SRRM4: variants seen among roughly 807,000 people sequenced by gnomAD.
SRRM4 encodes serine/arginine repetitive matrix 4.
In SRRM4, 33 loss-of-function variants were observed where a neutral mutation model predicts 68.9. The observed-to-expected ratio is 0.48, with a 90% CI of 0.36 to 0.64. SRRM4 has a LOEUF of 0.64. Among genes scored for constraint, SRRM4 ranks in the 30% least tolerant of loss-of-function variants. The pLI, the probability that SRRM4 is intolerant of heterozygous loss-of-function variation, is 0.00. For missense variants in SRRM4, 817 were observed against 827.1 expected (o/e 0.99, Z 0.15); for synonymous variants, 318 against 318.8 (o/e 1.00, Z 0.03).
intron 1 of SRRM4, among the ~76,000 whole-genome samples, chr12:119,015,347 C>T (rs747963294): frequency 9.9e-5 from 15 of 152,180 alleles, no homozygotes; most frequent in South Asian, 4.1e-4. Context: ...TCATAAACCC[C>T]ACTGCTATTG....
chr12:119,073,717 C>T (rs970466982), intron 1 of SRRM4, among the ~76,000 whole-genome samples: 4 of 152,138 alleles, frequency 2.6e-5, no homozygotes, highest in Admixed American at 1.3e-4. Flanking sequence ...AACTCCTGGA[C>T]TCAAGCAACC....
intron 1 of SRRM4, among the ~76,000 whole-genome samples, chr12:119,100,701 G>C (rs1334999787): frequency 6.6e-6 from 1 of 152,160 alleles, no homozygotes; most frequent in East Asian, 1.9e-4. Flanking sequence ...GACAAGTATG[G>C]GAAGAGGCAA....
At chr12:119,142,835 C>G (rs1954374435) in intron 8 of SRRM4, among the ~76,000 whole-genome samples, 1 of 152,158 alleles carries the variant, frequency 6.6e-6, no homozygotes, top group South Asian at 2.1e-4. Flanking sequence ...ACATTCCTGA[C>G]AGAGGTGGTG....
At chr12:119,067,780 T>C (rs2136024712) in intron 1 of SRRM4, among the ~76,000 whole-genome samples, 1 of 152,132 alleles carries the variant, frequency 6.6e-6, no homozygotes, top group South Asian at 2.1e-4. Context: ...TCCCAGCTCC[T>C]CCACCTACAC....
At chr12:119,149,516 T>C (rs1954425612) in intron 9 of SRRM4, among the ~76,000 whole-genome samples, 1 of 152,114 alleles carries the variant, frequency 6.6e-6, no homozygotes, top group South Asian at 2.1e-4. Flanking sequence ...CATATAGGGA[T>C]AGGCAAAACA....
At chr12:119,012,531 G>C (rs1380161047) in intron 1 of SRRM4, among the ~76,000 whole-genome samples, 1 of 152,118 alleles carries the variant, frequency 6.6e-6, no homozygotes, top group Non-Finnish European at 1.5e-5. Context: ...TAAGAACACA[G>C]TTTTCTCTTG....
chr12:119,058,420 A>C (rs1028013418), intron 1 of SRRM4, among the ~76,000 whole-genome samples: 13 of 152,164 alleles, frequency 8.5e-5, no homozygotes, highest in African/African-American at 3.1e-4. Flanking sequence ...GACTGATGGG[A>C]GTTGTCCCCA....
intron 4 of SRRM4, among the ~76,000 whole-genome samples, chr12:119,117,955 G>T (rs1224481363): frequency 6.6e-6 from 1 of 152,104 alleles, no homozygotes; most frequent in Non-Finnish European, 1.5e-5. Flanking sequence ...TACAACAGAG[G>T]GCTCAGGTTT....
chr12:119,025,984 C>T (rs372964842), intron 1 of SRRM4, among the ~76,000 whole-genome samples: 3 of 152,018 alleles, frequency 2.0e-5, no homozygotes, highest in African/African-American at 7.3e-5. Flanking sequence ...CTTAGAGTCA[C>T]GGCCACCGAG....
At chr12:119,139,150 T>C (rs1954348761) in intron 8 of SRRM4, among the ~76,000 whole-genome samples, 1 of 152,190 alleles carries the variant, frequency 6.6e-6, no homozygotes, top group East Asian at 1.9e-4. Context: ...AGGAGAACCA[T>C]CCTGTTGTAT....
At chr12:119,151,698 G>A (rs1442404272) in intron 10 of SRRM4, among the ~76,000 whole-genome samples, 7 of 152,072 alleles carry the variant, frequency 4.6e-5, no homozygotes, top group Admixed American at 4.6e-4. Flanking sequence ...ATTGACTGGT[G>A]GGTTGGCTGG....
At chr12:119,138,312 T>C (rs1592913525) in intron 8 of SRRM4, among the ~76,000 whole-genome samples, 2 of 152,224 alleles carry the variant, frequency 1.3e-5, no homozygotes, top group Admixed American at 1.3e-4. Context: ...AAAGCATAAC[T>C]CGGCTCACCG....
At chr12:119,005,906 G>C (rs1953413073) in intron 1 of SRRM4, among the ~76,000 whole-genome samples, 1 of 152,138 alleles carries the variant, frequency 6.6e-6, no homozygotes, top group African/African-American at 2.4e-5. Context: ...CAACAAACAA[G>C]CCGTGTGACC....
At chr12:118,998,901 G>C (rs992745350) in intron 1 of SRRM4, among the ~76,000 whole-genome samples, 5 of 152,210 alleles carry the variant, frequency 3.3e-5, no homozygotes, top group African/African-American at 1.2e-4. Context: ...ATGTAGAACT[G>C]TGAACAGGCA....
At chr12:119,104,326 T>A (rs1446494610) in intron 2 of SRRM4, among the ~76,000 whole-genome samples, 1 of 152,094 alleles carries the variant, frequency 6.6e-6, no homozygotes, top group South Asian at 2.1e-4. Flanking sequence ...AGCATCTCTA[T>A]TGTAGAGCTG....
At chr12:119,151,640 C>T (rs914816655) in intron 10 of SRRM4, among the ~76,000 whole-genome samples, 18 of 152,168 alleles carry the variant, frequency 1.2e-4, no homozygotes, top group Admixed American at 1.0e-3. Context: ...GGGCTGGGCT[C>T]AGCTGGGTGG....
In SRRM4 at chr12:119,040,656, G is replaced by A. The variant is rs973288108; in HGVS notation, c.131+58643G>A. ...GTGAATTGTGCTGCTATAAACATGC[G>A]TGTGCAAGTATCTTTTTGGAATAAT... On this transcript the variant is annotated intron_variant, in intron 1 of 12. Transcript: ENST00000267260. Among the ~76,000 whole-genome samples the A allele has an allele frequency of 8.5e-5, 13 of 152,216 alleles. No individual in the cohort carries two copies. The South Asian group carries it at 1.5e-3, about 17-fold the overall frequency.
intron 1 of SRRM4, among the ~76,000 whole-genome samples, chr12:119,090,736 C>T (rs1381315803): frequency 1.3e-5 from 2 of 152,048 alleles, no homozygotes; most frequent in African/African-American, 4.8e-5. Flanking sequence ...TAGCACTCGC[C>T]CCTACTGGAC....
chr12:118,998,292 A>AAAAAAAAAAAAAAAC (rs1953362102), intron 1 of SRRM4, among the ~76,000 whole-genome samples: 1 of 149,038 alleles, frequency 6.7e-6, no homozygotes, highest in Non-Finnish European at 1.5e-5. Context: ...AAAAAAAAAA[A>AAAAAAAAAAAAAAAC]AAAAAAATCA....
Sources: gnomAD v4.1 joint callset for allele counts (sites outside exome capture counted in the v4.1 genomes callset) on GRCh38, gnomAD v4.1.1 for gene constraint, MANE v1.5 for transcripts, NCBI Gene and HGNC (gene_info 2026-07-23, HGNC 2026-07-21) for gene names.